Variants in BSCL2 observed in about 807,000 individuals in gnomAD.
BSCL2 encodes seipin.
In BSCL2, 41 loss-of-function variants were observed where a neutral mutation model predicts 57.4. The ratio of observed to expected loss-of-function variants is 0.71; its 90% CI spans 0.56 to 0.93. BSCL2 has a LOEUF of 0.93. BSCL2 is among the 40% of genes least tolerant of loss of function. The probability of loss-of-function intolerance (pLI) is 0.00; values close to 1 mark genes in which losing one functional copy is unlikely to be tolerated. For synonymous variants in BSCL2, 237 were observed against 227.3 expected (o/e 1.04, Z -0.38); for missense variants, 539 against 586.7 (o/e 0.92, Z 0.84).
chr11:62,693,724 C>A (rs1235793234), intron 4 of BSCL2, among the ~76,000 whole-genome samples: 2 of 152,166 alleles, frequency 1.3e-5, no homozygotes, highest in African/African-American at 2.4e-5. Flanking sequence ...CTGAGAGCAG[C>A]TCCACTCTTC....
Position 62,691,088 on chromosome 11 carries a change from A to T in BSCL2, c.1059T>A (p.Ser353=), listed in dbSNP as rs1590868947. 6.2e-7 allele frequency: 1 copy of T among 1,614,152 alleles called. No homozygotes were observed. Among genetic ancestry groups the T allele is most frequent in the South Asian group, 1.1e-5 (1 of 91,086 alleles). Residue 353 remains serine (S), a synonymous_variant, in exon 8 of 11, where the codon TCT becomes TCA. Transcript: ENST00000360796. ...CAACACCTTTACCTGGCTGATGAGC[A>T]GAGATCCTTCGTTGGACTTCCTTCC... ...NSRKEVQRRI[S]AHQPGPEGQE...
At chr11:62,705,233 C>T (rs775912033) in intron 2 of BSCL2, 68 bp downstream of exon 2, 95 of 1,459,908 alleles carry the variant, frequency 6.5e-5, no homozygotes, top group Non-Finnish European at 8.5e-5. Context: ...GGGGATTGAA[C>T]TGAATGAACT....
In BSCL2 at chr11:62,694,498, C is replaced by A. The variant is rs1267022540; in HGVS notation, c.630+70G>T. ...GGGATTATAGGCCTGAGCCACCACA[C>A]CCAGCCCCCTACCCATTCTGATCCT... On this transcript the variant is annotated intron_variant, in intron 4 of 10. Coordinates refer to ENST00000360796, the MANE Select transcript of BSCL2 (RefSeq NM_001122955.4). 1.9e-6 allele frequency: 3 copies of A among 1,610,258 alleles called. No individual in the cohort carries two copies. In the African/African-American group the frequency reaches 4.0e-5, roughly 22 times the overall value.
At chr11:62,706,349 TG>T in intron 1 of BSCL2, 1 of 1,098,960 alleles carries the variant, frequency 9.1e-7, no homozygotes, top group Non-Finnish European at 1.1e-6. Context: ...TTTGTAGCCG[TG>T]GGAGGCGGGG....
chr11:62,698,911 T>A (rs1339216860), intron 3 of BSCL2, among the ~76,000 whole-genome samples: 2 of 152,134 alleles, frequency 1.3e-5, no homozygotes, highest in South Asian at 2.1e-4. Flanking sequence ...TATTATTATT[T>A]ATTTATTTAT....
At chr11:62,705,051 T>C (rs1216056915) in intron 2 of BSCL2, among the ~76,000 whole-genome samples, 1 of 150,870 alleles carries the variant, frequency 6.6e-6, no homozygotes. Context: ...TTGATCCTCA[T>C]AATGATAGAA....
intron 3 of BSCL2, among the ~76,000 whole-genome samples, chr11:62,701,829 G>GA (rs139041776): frequency 0.22 from 26,880 of 120,838 alleles, 2,839 homozygotes; most frequent in African/African-American, 0.25. Context: ...AGACTGTCTG[G>GA]AAAAAAAAAA....
rs779952369 is a variant in BSCL2 at position 62,690,404 on chromosome 11, C to A, written c.1352G>T (p.Gly451Val). ...GCAGGTGGGGCGCTGTCGGAGAGCA[C>A]CCCCAGCAGGTTCAGAGCTGCCCAG... ...ETLGSSEPAG[G>V]ALRQRPTCSS... Residue 451 changes from glycine to valine, a missense_variant, in exon 11 of 11, where the codon GGT (glycine) becomes GTT (valine). Physicochemically the swap from Gly to Val is moderately radical, Grantham distance 109. Coordinates refer to ENST00000360796, the MANE Select transcript of BSCL2 (RefSeq NM_001122955.4). The A allele has an allele frequency of 1.9e-6, 3 of 1,613,982 alleles. No homozygotes were observed. Among genetic ancestry groups the A allele is most frequent in the African/African-American group, 2.7e-5 (2 of 74,906 alleles).
chr11:62,704,897 C>T (rs890660255), intron 2 of BSCL2, among the ~76,000 whole-genome samples: 1 of 152,142 alleles, frequency 6.6e-6, no homozygotes, highest in Non-Finnish European at 1.5e-5. Flanking sequence ...CTTTCAGGGA[C>T]TGAGAGGCAG....
chr11:62,692,783 G>A lies in BSCL2; in HGVS notation c.645C>T (p.Tyr215=), dbSNP rs1339749955. Residue 215 remains tyrosine, a synonymous_variant, in exon 5 of 11, where the codon TAC becomes TAT. Coordinates refer to ENST00000360796, the MANE Select transcript of BSCL2 (RefSeq NM_001122955.4). ...CCAGCATCTGGAGCAGGTCTGAGCG[G>A]TAATGCAGCATCACCTGCCGGGGGT... ...STSSRSVMLH[Y]RSDLLQMLDT... is the part of the protein sequence containing the mutation. 27 of 1,613,678 alleles carry A rather than the reference G, an allele frequency of 1.7e-5. No homozygotes were observed. Among genetic ancestry groups the A allele is most frequent in the African/African-American group, 2.7e-5 (2 of 75,058 alleles).
At chr11:62,703,217 G>T (rs1465378647) in intron 2 of BSCL2, among the ~76,000 whole-genome samples, 2 of 152,000 alleles carry the variant, frequency 1.3e-5, no homozygotes, top group African/African-American at 4.8e-5. Context: ...CTCTGGTCTG[G>T]GTCCTAGTTT....
At chr11:62,703,149 T>C (rs1295838645) in intron 2 of BSCL2, among the ~76,000 whole-genome samples, 1 of 50,594 alleles carries the variant, frequency 2.0e-5, no homozygotes, top group African/African-American at 6.7e-5. Context: ...AAACTCCATC[T>C]CAAAAAAAAA....
chr11:62,707,128 T>C lies in BSCL2; in HGVS notation c.68A>G (p.Lys23Arg). ...CCCTACCTCCTCTTTGTCCGGTCCT[T>C]TGATCTGGTCTCCGCACACCTCTTT... is the stretch of plus-strand genomic sequence containing the variant. ...GEKEVCGDQIKGPDKEEEPPA... is the reference protein window; with the variant it reads ...GEKEVCGDQIRGPDKEEEPPA... Residue 23 changes from lysine to arginine, a missense_variant, in exon 1 of 11, where the codon AAA becomes AGA. Physicochemically the swap from Lys to Arg is conservative, Grantham distance 26 (BLOSUM62 2). This residue lies in a region of BSCL2 where 218 missense variants were observed against 224.8 expected (regional missense o/e 0.97). Transcript: ENST00000360796. 6.4e-7 allele frequency: 1 copy of C among 1,554,430 alleles called. No homozygotes were observed. The highest frequency in any genetic ancestry group is 2.4e-5 in the East Asian group (1 of 41,674).
At chr11:62,700,429 T>C (rs1045029239) in intron 3 of BSCL2, among the ~76,000 whole-genome samples, 3 of 151,724 alleles carry the variant, frequency 2.0e-5, no homozygotes, top group African/African-American at 7.3e-5. Flanking sequence ...TCACCTGAGA[T>C]CATGAGTTTA....
chr11:62,690,767 G>A lies in BSCL2; in HGVS notation c.1153+20C>T. ...AAGCCAAGGAGTCAGGAAGGAGAGA[G>A]TGTGGTGGCTGCGCCATACCTGTCC... On this transcript the variant is annotated intron_variant, in intron 9 of 10. Coordinates refer to ENST00000360796, the MANE Select transcript of BSCL2 (RefSeq NM_001122955.4). 3.7e-6 allele frequency: 6 copies of A among 1,613,750 alleles called. No individual in the cohort carries two copies. Among genetic ancestry groups the A allele is most frequent in the East Asian group, 2.2e-5 (1 of 44,886 alleles).
intron 3 of BSCL2, among the ~76,000 whole-genome samples, chr11:62,696,809 C>T (rs1945481064): frequency 6.6e-6 from 1 of 152,036 alleles, no homozygotes; most frequent in Non-Finnish European, 1.5e-5. Context: ...CCTGCCTTGG[C>T]CTCCCAAAGT....
chr11:62,708,970 G>A (rs959046078), upstream of BSCL2: 3 of 656,364 alleles, frequency 4.6e-6, no homozygotes, highest in African/African-American at 3.6e-5. Flanking sequence ...CCTATCTGTC[G>A]ACCCCATTTC....
intron 3 of BSCL2, among the ~76,000 whole-genome samples, chr11:62,698,056 C>T (rs1242658666): frequency 3.3e-5 from 5 of 151,472 alleles, no homozygotes; most frequent in East Asian, 4.0e-4. Context: ...TACAGGCGCC[C>T]GCCACCACGC....
intron 2 of BSCL2, 151 bp downstream of exon 2, chr11:62,705,150 T>A: frequency 1.3e-5 from 9 of 703,216 alleles, no homozygotes; most frequent in East Asian, 3.4e-5. Flanking sequence ...GCAACCCAAA[T>A]CTAGCCTTGG....
Sources: gnomAD v4.1 joint callset for allele counts (sites outside exome capture counted in the v4.1 genomes callset) on GRCh38, gnomAD v4.1.1 for gene constraint, gnomAD v4.1.1 regional missense constraint, MANE v1.5 for transcripts, NCBI Gene and HGNC (gene_info 2026-07-23, HGNC 2026-07-21) for gene names.